The following TSC22D1 variants were observed in gnomAD, a reference collection of about 807,000 sequenced individuals.
TSC22D1 encodes the protein TSC22 domain family member 1, also known as TSC22 domain family protein 1.
Under a neutral mutation model 74.2 loss-of-function variants are expected in TSC22D1, and 9 were observed. The ratio of observed to expected loss-of-function variants is 0.12; its 90% confidence interval spans 0.07 to 0.21. TSC22D1 has a LOEUF of 0.21. Among genes scored for constraint, TSC22D1 ranks in the 10% least tolerant of loss-of-function variants. The pLI, the probability that TSC22D1 is intolerant of heterozygous loss-of-function variation, is 1.00. For synonymous variants in TSC22D1, 586 were observed against 492.5 expected, an observed-to-expected ratio of 1.19 and a Z score of -2.51; for missense variants, 1,427 against 1,304.7, an observed-to-expected ratio of 1.09 and a Z score of -1.44.
At chr13:44,523,440 T>G (rs1040220950) in intron 1 of TSC22D1, among the ~76,000 whole-genome samples, 2 of 152,100 alleles carry the variant, frequency 1.3e-5, no homozygotes, top group Non-Finnish European at 2.9e-5. Flanking sequence ...GGTAGATATA[T>G]ACAATAATAA....
intron 1 of TSC22D1, among the ~76,000 whole-genome samples, chr13:44,500,395 T>C (rs1410285842): frequency 6.6e-6 from 1 of 152,214 alleles, no homozygotes; most frequent in East Asian, 1.9e-4. Flanking sequence ...CATAAAATTA[T>C]TTCACAGCTG....
chr13:44,506,542 A>G (rs888864276), intron 1 of TSC22D1, among the ~76,000 whole-genome samples: 5 of 152,292 alleles, frequency 3.3e-5, no homozygotes, highest in Admixed American at 6.5e-5. Flanking sequence ...CCTAATACCT[A>G]TGGTTGATCT....
intron 1 of TSC22D1, among the ~76,000 whole-genome samples, chr13:44,559,246 A>T (rs987355920): frequency 6.6e-6 from 1 of 152,210 alleles, no homozygotes; most frequent in African/African-American, 2.4e-5. Context: ...AGCAGTGGAC[A>T]GTCTATAGCC....
At chr13:44,457,888 T>C (rs780521869) in intron 1 of TSC22D1, among the ~76,000 whole-genome samples, 4 of 152,218 alleles carry the variant, frequency 2.6e-5, no homozygotes, top group Non-Finnish European at 5.9e-5. Context: ...AAGGTGGCTA[T>C]ATATTGGGTC....
At chr13:44,536,953 A>AAC in intron 1 of TSC22D1, 1 of 874,116 alleles carries the variant, frequency 1.1e-6, no homozygotes, top group Non-Finnish European at 1.4e-6. Flanking sequence ...AAAAAAAAAA[A>AAC]AAAAAACAAA....
intron 1 of TSC22D1, among the ~76,000 whole-genome samples, chr13:44,488,667 TAAG>T (rs1222485283): frequency 2.0e-5 from 3 of 152,158 alleles, no homozygotes; most frequent in Non-Finnish European, 2.9e-5. Context: ...TTAGAATCAA[TAAG>T]AAGGTTTAGC....
At chr13:44,561,935 G>A (rs940872593) in intron 1 of TSC22D1, among the ~76,000 whole-genome samples, 1 of 152,180 alleles carries the variant, frequency 6.6e-6, no homozygotes, top group Admixed American at 6.5e-5. Context: ...TCCTTAAGGA[G>A]AGAGAGCGAG....
At chr13:44,521,165 T>C (rs1880296686) in intron 1 of TSC22D1, among the ~76,000 whole-genome samples, 1 of 152,184 alleles carries the variant, frequency 6.6e-6, no homozygotes, top group Non-Finnish European at 1.5e-5. Context: ...TACAGATGGA[T>C]GGTTTCTTAA....
intron 1 of TSC22D1, among the ~76,000 whole-genome samples, chr13:44,551,394 GTGTGTGTGTGT>G (rs1566169576): frequency 1.4e-4 from 15 of 109,588 alleles, no homozygotes; most frequent in Middle Eastern, 4.4e-3. Context: ...AGATGGGTGT[GTGTGTGTGTGT>G]GTGTGTGTGT....
At chr13:44,507,202 C>CTAA (rs1307747600) in intron 1 of TSC22D1, among the ~76,000 whole-genome samples, 3 of 152,098 alleles carry the variant, frequency 2.0e-5, no homozygotes, top group African/African-American at 7.2e-5. Context: ...AGGAACAGAA[C>CTAA]TAAGGAGATA....
chr13:44,536,829 G>A (rs1881153304), intron 1 of TSC22D1: 2 of 976,528 alleles, frequency 2.0e-6, no homozygotes, highest in African/African-American at 3.7e-5. Flanking sequence ...TGCTAATCAG[G>A]AAAATGCAAA....
At chr13:44,524,171 G>A (rs1227911300) in intron 1 of TSC22D1, among the ~76,000 whole-genome samples, 1 of 151,988 alleles carries the variant, frequency 6.6e-6, no homozygotes, top group African/African-American at 2.4e-5. Flanking sequence ...CTTCTAAGTC[G>A]TGGGACTCAA....
intron 1 of TSC22D1, among the ~76,000 whole-genome samples, chr13:44,453,617 T>C (rs1240856285): frequency 6.6e-6 from 1 of 152,212 alleles, no homozygotes; most frequent in African/African-American, 2.4e-5. Flanking sequence ...CTCAAGTCAG[T>C]CGGCTTTGGT....
At chr13:44,570,842 T>C (rs1883716860) in intron 1 of TSC22D1, among the ~76,000 whole-genome samples, 1 of 152,244 alleles carries the variant, frequency 6.6e-6, no homozygotes, top group South Asian at 2.1e-4. Flanking sequence ...GTTTGTTTTT[T>C]AATCATATCA....
At chr13:44,548,220 T>C (rs993022070) in intron 1 of TSC22D1, among the ~76,000 whole-genome samples, 2 of 152,220 alleles carry the variant, frequency 1.3e-5, no homozygotes, top group African/African-American at 4.8e-5. Context: ...TTTAAATACT[T>C]AGTATATAGA....
At chr13:44,544,142 GGTC>G (rs1555271538) in intron 1 of TSC22D1, among the ~76,000 whole-genome samples, 6 of 151,886 alleles carry the variant, frequency 4.0e-5, no homozygotes, top group Non-Finnish European at 8.8e-5. Flanking sequence ...CTCTTTTTGG[GGTC>G]GTCAACTTCT....
At chr13:44,531,473 G>A (rs1396416645) in intron 1 of TSC22D1, among the ~76,000 whole-genome samples, 1 of 152,112 alleles carries the variant, frequency 6.6e-6, no homozygotes, top group Non-Finnish European at 1.5e-5. Flanking sequence ...ACATTTTTAT[G>A]TGTAAAATGA....
rs564612786 is a variant in TSC22D1 at position 44,555,846 on chromosome 13, A to G, written c.2912+17317T>C. On this transcript the variant is annotated intron_variant, in intron 1 of 2. Transcript: ENST00000458659. ...GGTGTTTTGATATGGTATTAAAATAATATCTAACAAAATGAAAAAAAATTC... is the reference window on the plus strand; with the variant it reads ...GGTGTTTTGATATGGTATTAAAATAGTATCTAACAAAATGAAAAAAAATTC... 4.1e-4 allele frequency among the ~76,000 whole-genome samples: 62 copies of G among 152,212 alleles called. 1 individual carries two copies. Among genetic ancestry groups the G allele is most frequent in the Non-Finnish European group, 7.8e-4 (53 of 68,008 alleles).
intron 1 of TSC22D1, among the ~76,000 whole-genome samples, chr13:44,568,676 C>A (rs1252461230): frequency 6.6e-6 from 1 of 152,108 alleles, no homozygotes; most frequent in Non-Finnish European, 1.5e-5. Context: ...AATCCTTTAA[C>A]ACTTATTTGC....
Sources: gnomAD v4.1 joint callset for allele counts (sites outside exome capture counted in the v4.1 genomes callset) on GRCh38, gnomAD v4.1.1 for gene constraint, MANE v1.5 for transcripts, NCBI Gene and HGNC (gene_info 2026-07-23, HGNC 2026-07-21) for gene names.